Variants in ARHGEF26 observed in about 807,000 individuals in gnomAD.
ARHGEF26 encodes the protein Rho guanine nucleotide exchange factor 26.
A neutral mutation model predicts 89.4 loss-of-function variants in ARHGEF26; 59 were observed. The observed-to-expected ratio is 0.66, with a 90% CI of 0.54 to 0.82. The LOEUF is 0.82. Ranked by LOEUF, ARHGEF26 falls within the 40% of genes least tolerant of loss-of-function variation. The pLI is 0.00. For synonymous variants in ARHGEF26, 500 were observed against 428.4 expected, an observed-to-expected ratio of 1.17 and a Z score of -2.06; for missense variants, 1,234 against 1,085.6, an observed-to-expected ratio of 1.14 and a Z score of -1.92.
At chr3:154,253,318 C>T in intron 13 of ARHGEF26, 135 bp downstream of exon 13, 2 of 934,510 alleles carry the variant, frequency 2.1e-6, no homozygotes, top group South Asian at 3.4e-5. Context: ...TGCTTTACAC[C>T]AAAAATGTAT....
intron 8 of ARHGEF26, among the ~76,000 whole-genome samples, chr3:154,192,278 CAAAG>C (rs1025684984): frequency 6.6e-6 from 1 of 152,122 alleles, no homozygotes; most frequent in African/African-American, 2.4e-5. Flanking sequence ...CTAATCAAAA[CAAAG>C]TAAAATATAT....
Position 154,134,042 on chromosome 3 carries a change from C to G in ARHGEF26, c.1269+4323C>G, listed in dbSNP as rs552772420. 1.4e-4 allele frequency among the ~76,000 whole-genome samples: 22 copies of G among 152,204 alleles called. No individual in the cohort carries two copies. In the East Asian group the frequency reaches 3.5e-3, roughly 24 times the overall value. Reference sequence around the variant, plus strand: ...GCTAGTGATCTTTGCACATCGATTTCGTATCCTGAGACTTTGCTGAAGTTT... The same window carrying G: ...GCTAGTGATCTTTGCACATCGATTTGGTATCCTGAGACTTTGCTGAAGTTT... On this transcript the variant is annotated intron_variant, in intron 4 of 14. Transcript: ENST00000465093.
In ARHGEF26 at chr3:154,225,915, T is replaced by C; in HGVS notation, c.1995T>C (p.Tyr665=). 2 of 1,612,446 alleles carry C rather than the reference T, an allele frequency of 1.2e-6. No homozygotes were observed. The highest frequency in any genetic ancestry group is 1.7e-4 in the Middle Eastern group (1 of 6,054). The change falls in exon 11 of 15, where the codon TAT becomes TAC. Residue 665 remains tyrosine (Y), a synonymous_variant. Coordinates refer to ENST00000465093, the MANE Select transcript of ARHGEF26 (RefSeq NM_015595.4). ...WLVKRGELTA[Y]VEDTVLFSRR... ...TAAAAAGAGGTGAATTGACAGCCTA[T>C]GTTGAAGACACTGTGCTTTTCTCAA...
At chr3:154,126,112 C>T (rs1289640003) in intron 3 of ARHGEF26, among the ~76,000 whole-genome samples, 1 of 152,186 alleles carries the variant, frequency 6.6e-6, no homozygotes, top group Non-Finnish European at 1.5e-5. Context: ...ACTTTGAAGA[C>T]TAGGGGAGAC....
chr3:154,239,287 AGAGAGAGAGAGAGTGTGTGTGTGT>A (rs774777733), intron 11 of ARHGEF26, among the ~76,000 whole-genome samples: 2,063 of 103,922 alleles, frequency 0.02, 16 homozygotes, highest in Middle Eastern at 0.077. Flanking sequence ...AGAGAGAGAG[AGAGAGAGAGAGAGTGTGTGTGTGT>A]GTGTGTGTGT....
chr3:154,236,924 A>C (rs1287657097), intron 11 of ARHGEF26, among the ~76,000 whole-genome samples: 10 of 152,232 alleles, frequency 6.6e-5, no homozygotes, highest in Admixed American at 6.5e-4. Flanking sequence ...AAAAAGGCCA[A>C]CATGTTTCCT....
Position 154,152,943 on chromosome 3 carries a change from T to G in ARHGEF26, c.1487+11T>G. The G allele has an allele frequency of 1.3e-6, 2 of 1,552,476 alleles. No homozygotes were observed. Among genetic ancestry groups the G allele is most frequent in the Non-Finnish European group, 1.7e-6 (2 of 1,150,826 alleles). On this transcript the variant is annotated intron_variant, in intron 6 of 14. Coordinates refer to ENST00000465093, the MANE Select transcript of ARHGEF26 (RefSeq NM_015595.4). ...TGAGGCAAGCAAAAAGTAAGTGCAC[T>G]GCAGTCTGCCTTTGGTCGTGCCAAG...
At chr3:154,131,835 A>G (rs1291203803) in intron 4 of ARHGEF26, among the ~76,000 whole-genome samples, 1 of 152,246 alleles carries the variant, frequency 6.6e-6, no homozygotes, top group Non-Finnish European at 1.5e-5. Context: ...TTTCATATAC[A>G]TGAACAAATG....
At position 154,256,976 on chromosome 3, in the gene ARHGEF26, C is replaced by CTA; in HGVS notation, c.*1505_*1506dup. ...CTGGCAGCTATATTCCCTCTCTGTTCTATTTGCTTTAACAAAGGGATAAAA... is the reference window on the plus strand; with the variant it reads ...CTGGCAGCTATATTCCCTCTCTGTTCTATATTTGCTTTAACAAAGGGATAAAA... On this transcript the variant is annotated 3_prime_UTR_variant, in exon 15 of 15. Transcript: ENST00000465093. 2 of 1,524,346 alleles carry CTA rather than the reference C, an allele frequency of 1.3e-6. No homozygotes were observed. Among genetic ancestry groups the CTA allele is most frequent in the South Asian group, 2.4e-5 (2 of 81,818 alleles). 94.4% of individuals were successfully genotyped at this position (1,524,346 alleles called of 1,614,324 possible). A position where few individuals can be genotyped will look rare whatever the true frequency, so the allele number is the denominator to read the frequency against.
chr3:154,153,215 G>A (rs781457035), intron 6 of ARHGEF26, among the ~76,000 whole-genome samples: 24 of 152,090 alleles, frequency 1.6e-4, no homozygotes, highest in Non-Finnish European at 3.2e-4. Context: ...AAGTGTCTTC[G>A]TTTGGTGCTA....
chr3:154,187,560 T>G, intron 6 of ARHGEF26, 125 bp from the exon 7 acceptor site: 1 of 665,898 alleles, frequency 1.5e-6, no homozygotes, highest in Non-Finnish European at 2.3e-6. Flanking sequence ...TAAAAATATT[T>G]TTTAGTTGGT....
rs755285641 is a variant in ARHGEF26, at chr3:154,256,890, CTT to C, written c.*1418_*1419del. 1.8e-5 allele frequency: 27 copies of C among 1,534,726 alleles called. No homozygotes were observed. In the South Asian group the frequency reaches 3.1e-4, roughly 18 times the overall value. On this transcript the variant is annotated 3_prime_UTR_variant, in exon 15 of 15. Coordinates refer to ENST00000465093, the MANE Select transcript of ARHGEF26 (RefSeq NM_015595.4). ...TAGTGCACAGAGAGAGAAAGGTTAT[CTT>C]AATAGTCGGTTTCATGGAGATGAAG...
intron 6 of ARHGEF26, among the ~76,000 whole-genome samples, chr3:154,160,267 T>C (rs902350074): frequency 6.6e-6 from 1 of 152,160 alleles, no homozygotes; most frequent in African/African-American, 2.4e-5. Flanking sequence ...CAACAACCAG[T>C]GTCTGGAGTA....
chr3:154,236,662 G>C (rs567769230), intron 11 of ARHGEF26, among the ~76,000 whole-genome samples: 10 of 152,288 alleles, frequency 6.6e-5, no homozygotes, highest in African/African-American at 2.4e-4. Flanking sequence ...ATACTTATTG[G>C]ACATGGGGTA....
At chr3:154,218,065 G>T in intron 10 of ARHGEF26, 107 bp downstream of exon 10, 1 of 1,030,696 alleles carries the variant, frequency 9.7e-7, no homozygotes, top group Non-Finnish European at 1.4e-6. Context: ...TCAAAGAAGG[G>T]TCATAAATTG....
In ARHGEF26 at chr3:154,177,215, T is replaced by C. The variant is rs574648636; in HGVS notation, c.1488-10470T>C. Among the ~76,000 whole-genome samples the C allele has an allele frequency of 6.6e-5, 10 of 152,306 alleles. No individual in the cohort carries two copies. The South Asian group carries it at 1.9e-3, about 28-fold the overall frequency. On this transcript the variant is annotated intron_variant, in intron 6 of 14. Transcript: ENST00000465093. ...TTTTATAATTCTAAATTTACTGTTA[T>C]TAAAGTTAGAGGCTGCCAGCAGCTT...
Position 154,123,014 on chromosome 3 carries a change from A to T in ARHGEF26, c.1022A>T (p.Gln341Leu). 1 of 1,613,994 alleles carries T rather than the reference A, an allele frequency of 6.2e-7. No individual in the cohort carries two copies. Among genetic ancestry groups the T allele is most frequent in the Non-Finnish European group, 8.5e-7 (1 of 1,179,894 alleles). The change falls in exon 2 of 15, where the codon CAG (glutamine) becomes CTG (leucine). Residue 341 changes from glutamine to leucine, a missense_variant. Physicochemically the swap from Gln to Leu is moderately radical, Grantham distance 113. Transcript: ENST00000465093. ...TCGAAGAAGAAGAACAGAATGTCCC[A>T]GCCTGTTCTGAAAGTGGTGATGGAA... is the stretch of plus-strand genomic sequence containing the variant. ...TSSKKKNRMS[Q>L]PVLKVVMEDK...
chr3:154,129,871 C>A, intron 4 of ARHGEF26, 152 bp downstream of exon 4: 1 of 940,152 alleles, frequency 1.1e-6, no homozygotes, highest in Admixed American at 2.9e-5. Context: ...GGAACTCTGC[C>A]CGCACTAATG....
At chr3:154,131,787 G>A (rs1718696405) in intron 4 of ARHGEF26, among the ~76,000 whole-genome samples, 1 of 152,182 alleles carries the variant, frequency 6.6e-6, no homozygotes, top group Non-Finnish European at 1.5e-5. Flanking sequence ...TTTAGCCCAA[G>A]AAACAGGCTG....
Sources: gnomAD v4.1 joint callset for allele counts (sites outside exome capture counted in the v4.1 genomes callset) on GRCh38, gnomAD v4.1.1 for gene constraint, MANE v1.5 for transcripts, NCBI Gene and HGNC (gene_info 2026-07-23, HGNC 2026-07-21) for gene names.